The following LRP1B variants were observed in gnomAD, a reference collection of about 807,000 sequenced individuals.
LRP1B encodes LDL receptor related protein 1B, also known as low-density lipoprotein receptor-related protein 1B.
A neutral mutation model predicts 556.6 loss-of-function variants in LRP1B; 217 were observed. That is an observed-to-expected ratio of 0.39 (90% CI 0.35 to 0.44). LRP1B has a LOEUF of 0.44. LRP1B is among the 20% of genes least tolerant of loss of function. LRP1B has a pLI of 1.00. For synonymous variants in LRP1B, 2,047 were observed against 1,865.8 expected, an observed-to-expected ratio of 1.10 and a Z score of -2.50; for missense variants, 5,053 against 5,620.8, an observed-to-expected ratio of 0.90 and a Z score of 3.23.
intron 1 of LRP1B, among the ~76,000 whole-genome samples, chr2:142,062,647 A>G (rs1704963836): frequency 6.6e-6 from 1 of 151,820 alleles, no homozygotes. Context: ...TGACAACTAA[A>G]TTTGAAGCAA....
intron 17 of LRP1B, among the ~76,000 whole-genome samples, chr2:140,983,696 A>C (rs1236787913): frequency 6.6e-6 from 1 of 152,092 alleles, no homozygotes; most frequent in East Asian, 1.9e-4. Flanking sequence ...GCTTGGTTTG[A>C]TACATTAGAT....
At chr2:140,559,490 C>G (rs1680853396) in intron 43 of LRP1B, among the ~76,000 whole-genome samples, 1 of 151,874 alleles carries the variant, frequency 6.6e-6, no homozygotes, top group South Asian at 2.1e-4. Context: ...AAAATTAAAT[C>G]AACTGCAGAT....
chr2:141,511,665 T>G, intron 2 of LRP1B, among the ~76,000 whole-genome samples: 1 of 152,182 alleles, frequency 6.6e-6, no homozygotes, highest in Non-Finnish European at 1.5e-5. Flanking sequence ...TTCCAAAACC[T>G]TGTGTGCTTG....
chr2:141,687,779 A>G (rs564520662), intron 2 of LRP1B, among the ~76,000 whole-genome samples: 9 of 151,926 alleles, frequency 5.9e-5, no homozygotes, highest in Admixed American at 6.6e-5. Context: ...GAAATAATCA[A>G]TTCTACCAAT....
chr2:140,757,962 AG>A (rs1688792748), intron 35 of LRP1B, among the ~76,000 whole-genome samples: 2 of 152,312 alleles, frequency 1.3e-5, no homozygotes, highest in East Asian at 1.9e-4. Context: ...TAATATTAAC[AG>A]GCATTGTTTT....
chr2:141,160,343 G>A (rs1238947626), intron 7 of LRP1B, among the ~76,000 whole-genome samples: 4 of 151,962 alleles, frequency 2.6e-5, no homozygotes, highest in Non-Finnish European at 4.4e-5. Context: ...CATAAAGTTG[G>A]TCATTTTAAA....
chr2:141,028,725 A>G (rs1201747027), intron 11 of LRP1B, among the ~76,000 whole-genome samples: 4 of 152,148 alleles, frequency 2.6e-5, no homozygotes. Context: ...TACTGTTTTT[A>G]AAGTAATGAC....
intron 83 of LRP1B, among the ~76,000 whole-genome samples, chr2:140,309,912 T>G (rs1573769169): frequency 7.5e-6 from 1 of 133,392 alleles, no homozygotes; most frequent in Non-Finnish European, 1.7e-5. Flanking sequence ...TCAAATGTTC[T>G]CACTTCTAAA....
At chr2:141,048,211 C>T (rs1438390805) in intron 11 of LRP1B, among the ~76,000 whole-genome samples, 1 of 152,028 alleles carries the variant, frequency 6.6e-6, no homozygotes, top group Admixed American at 6.6e-5. Context: ...AGTAAGCAGA[C>T]TTTATACATG....
chr2:140,718,108 T>C (rs1417269968), intron 35 of LRP1B, among the ~76,000 whole-genome samples: 1 of 152,086 alleles, frequency 6.6e-6, no homozygotes, highest in East Asian at 1.9e-4. Flanking sequence ...CCCTAAACAT[T>C]AGACTTATAC....
At chr2:140,754,216 G>C (rs1688671090) in intron 35 of LRP1B, among the ~76,000 whole-genome samples, 1 of 152,154 alleles carries the variant, frequency 6.6e-6, no homozygotes, top group South Asian at 2.1e-4. Context: ...TTAAGAGCAG[G>C]CTGCAGTTTT....
intron 18 of LRP1B, 152 bp downstream of exon 18, chr2:140,982,008 T>A (rs1395548085): frequency 1.8e-6 from 1 of 552,032 alleles, no homozygotes; most frequent in Non-Finnish European, 3.2e-6. Context: ...AAGCGCACAA[T>A]CAGGTCCAAA....
At chr2:141,484,742 A>T (rs1683055970) in intron 2 of LRP1B, among the ~76,000 whole-genome samples, 1 of 151,858 alleles carries the variant, frequency 6.6e-6, no homozygotes, top group African/African-American at 2.4e-5. Context: ...ATGGGAGTTC[A>T]CTCATGATTT....
intron 3 of LRP1B, among the ~76,000 whole-genome samples, chr2:141,380,860 T>C (rs1424797330): frequency 6.6e-6 from 1 of 152,122 alleles, no homozygotes; most frequent in Non-Finnish European, 1.5e-5. Context: ...ACAAGTAAGA[T>C]TGCAGATGGT....
intron 1 of LRP1B, among the ~76,000 whole-genome samples, chr2:142,130,325 C>G (rs956678043): frequency 2.0e-5 from 3 of 152,208 alleles, no homozygotes; most frequent in Non-Finnish European, 4.4e-5. Flanking sequence ...TTCGGAAATG[C>G]GAATTCTCAT....
chr2:141,116,194 A>G (rs576934945), intron 7 of LRP1B, among the ~76,000 whole-genome samples: 37 of 152,284 alleles, frequency 2.4e-4, no homozygotes, highest in African/African-American at 7.9e-4. Flanking sequence ...ACTCTAGCCT[A>G]TTACAGTGAT....
chr2:141,359,880 A>AG (rs1437590607), intron 3 of LRP1B, among the ~76,000 whole-genome samples: 19 of 152,124 alleles, frequency 1.2e-4, no homozygotes, highest in African/African-American at 4.6e-4. Flanking sequence ...TAAGCAGTGA[A>AG]TACTGGTAGC....
intron 1 of LRP1B, among the ~76,000 whole-genome samples, chr2:142,122,455 G>A (rs1707490388): frequency 2.6e-5 from 4 of 152,076 alleles, no homozygotes; most frequent in Admixed American, 6.6e-5. Context: ...TATTCTAAAT[G>A]TTGATCATGT....
chr2:140,365,332 A>C (rs1252925212), intron 71 of LRP1B, among the ~76,000 whole-genome samples: 1 of 151,676 alleles, frequency 6.6e-6, no homozygotes, highest in African/African-American at 2.4e-5. Flanking sequence ...GGTTCTTTTT[A>C]AATAAAAGTT....
Sources: allele counts gnomAD v4.1 joint callset (sites outside exome capture counted in the v4.1 genomes callset), GRCh38; gene constraint gnomAD v4.1.1; transcripts MANE v1.5; gene names NCBI Gene and HGNC (gene_info 2026-07-23, HGNC 2026-07-21).